The following CHN2 variants were observed in gnomAD, a reference collection of about 807,000 sequenced individuals.
CHN2 encodes beta-chimaerin.
Under a neutral mutation model 56.3 loss-of-function variants are expected in CHN2, and 35 were observed. The ratio of observed to expected loss-of-function variants is 0.62; its 90% CI spans 0.47 to 0.82. CHN2 has a LOEUF of 0.82. Among genes scored for constraint, CHN2 ranks in the 40% least tolerant of loss-of-function variants. The probability of loss-of-function intolerance (pLI) is 0.00; values close to 1 mark genes in which losing one functional copy is unlikely to be tolerated. For synonymous variants in CHN2, 210 were observed against 212.8 expected, an observed-to-expected ratio of 0.99 and a Z score of 0.12; for missense variants, 491 against 580.5, an observed-to-expected ratio of 0.85 and a Z score of 1.58.
intron 1 of CHN2, among the ~76,000 whole-genome samples, chr7:29,228,607 TG>T (rs1248672477): frequency 6.6e-6 from 1 of 152,236 alleles, no homozygotes; most frequent in Non-Finnish European, 1.5e-5. Flanking sequence ...TATATGTGTG[TG>T]TATTACATCT....
intron 7 of CHN2, among the ~76,000 whole-genome samples, chr7:29,491,777 T>G (rs1788693266): frequency 2.6e-5 from 4 of 152,180 alleles, no homozygotes; most frequent in Admixed American, 2.6e-4. Context: ...ACATGCATAA[T>G]TGACTTCAAA....
At chr7:29,432,921 A>G (rs1782953454) in intron 6 of CHN2, among the ~76,000 whole-genome samples, 1 of 152,226 alleles carries the variant, frequency 6.6e-6, no homozygotes. Context: ...GACAACTGGG[A>G]GGCTGTAGCT....
At chr7:29,277,425 C>T (rs1486216942) in intron 1 of CHN2, among the ~76,000 whole-genome samples, 1 of 152,200 alleles carries the variant, frequency 6.6e-6, no homozygotes, top group Non-Finnish European at 1.5e-5. Context: ...CAGGAGGCAT[C>T]TGCAAAGCAG....
chr7:29,289,986 A>T (rs957947736), intron 1 of CHN2, among the ~76,000 whole-genome samples: 1 of 152,228 alleles, frequency 6.6e-6, no homozygotes, highest in Non-Finnish European at 1.5e-5. Flanking sequence ...CACTTAATCT[A>T]CTTTGCATTT....
intron 1 of CHN2, among the ~76,000 whole-genome samples, chr7:29,352,258 T>C (rs1797938543): frequency 6.6e-6 from 1 of 152,136 alleles, no homozygotes; most frequent in African/African-American, 2.4e-5. Context: ...GAGGTTGTGC[T>C]TGCGTCATAG....
intron 1 of CHN2, among the ~76,000 whole-genome samples, chr7:29,341,352 T>G (rs757249932): frequency 7.9e-5 from 12 of 152,178 alleles, no homozygotes; most frequent in Non-Finnish European, 1.6e-4. Flanking sequence ...ATGCCCATTC[T>G]TGATATGAAT....
At chr7:29,379,124 G>A (rs1429599177) in intron 3 of CHN2, among the ~76,000 whole-genome samples, 1 of 152,208 alleles carries the variant, frequency 6.6e-6, no homozygotes, top group African/African-American at 2.4e-5. Context: ...TGGAATTTAG[G>A]ATGAATTTGA....
chr7:29,511,437 CCTTTCAG>C (rs778178032), intron 12 of CHN2, among the ~76,000 whole-genome samples: 27 of 152,188 alleles, frequency 1.8e-4, no homozygotes, highest in Non-Finnish European at 2.6e-4. Flanking sequence ...AATGCTGACA[CCTTTCAG>C]CTGAACCTTA....
chr7:29,154,023 A>G (rs774828510), intron 2 of CHN2, among the ~76,000 whole-genome samples: 18 of 152,234 alleles, frequency 1.2e-4, no homozygotes, highest in Non-Finnish European at 1.9e-4. Flanking sequence ...TAAGTTTTGG[A>G]GAAGTCAAAA....
intron 6 of CHN2, among the ~76,000 whole-genome samples, chr7:29,426,915 C>G (rs1804915930): frequency 6.6e-6 from 1 of 152,184 alleles, no homozygotes; most frequent in South Asian, 2.1e-4. Context: ...CTCACATGGT[C>G]CCTCCGTCAT....
intron 1 of CHN2, among the ~76,000 whole-genome samples, chr7:29,352,287 TAAG>T (rs1258886451): frequency 1.3e-5 from 2 of 152,110 alleles, no homozygotes; most frequent in Non-Finnish European, 2.9e-5. Flanking sequence ...TCATCCAAAA[TAAG>T]AAGACATTAC....
chr7:29,409,227 C>T (rs572056335), intron 6 of CHN2, among the ~76,000 whole-genome samples: 12 of 152,244 alleles, frequency 7.9e-5, no homozygotes, highest in African/African-American at 2.4e-4. Flanking sequence ...TCAAACTTCT[C>T]GGCCTCAGGA....
intron 1 of CHN2, chr7:29,292,886 AC>A: frequency 2.2e-6 from 1 of 456,164 alleles, no homozygotes; most frequent in South Asian, 1.5e-5. Flanking sequence ...GATTACAATA[AC>A]CTCTTAACTG....
intron 1 of CHN2, 149 bp from the exon 2 acceptor site, chr7:29,354,476 G>C: frequency 2.9e-6 from 2 of 692,786 alleles, no homozygotes; most frequent in Non-Finnish European, 5.0e-6. Context: ...CCTCCCCTGT[G>C]TCTGGAACTG....
chr7:29,228,966 A>G (rs923574937), intron 1 of CHN2, among the ~76,000 whole-genome samples: 2 of 152,236 alleles, frequency 1.3e-5, no homozygotes, highest in African/African-American at 2.4e-5. Flanking sequence ...ATTTCTGAGC[A>G]GAGTGACATG....
chr7:29,495,863 C>T lies in CHN2; in HGVS notation c.655-89C>T, dbSNP rs569593011. 4.8e-6 allele frequency: 5 copies of T among 1,051,524 alleles called. No homozygotes were observed. In the African/African-American group the frequency reaches 7.9e-5, roughly 17 times the overall value. The allele number at this position is 1,051,524 out of a possible 1,614,324, so 65.1% of individuals were successfully genotyped here. On this transcript the variant is annotated intron_variant, in intron 7 of 12. Coordinates refer to ENST00000222792, the MANE Select transcript of CHN2 (RefSeq NM_004067.4). ...GAAGGAAAAGCCCAGTGGGGGATCG[C>T]TCCTGCTGATCTTCATTGACATGTC...
intron 3 of CHN2, among the ~76,000 whole-genome samples, chr7:29,379,063 A>C (rs1372488359): frequency 6.6e-6 from 1 of 152,212 alleles, no homozygotes; most frequent in Non-Finnish European, 1.5e-5. Context: ...AATTTCTACC[A>C]TCTCCCAAGT....
intron 1 of CHN2, among the ~76,000 whole-genome samples, chr7:29,299,484 T>C (rs1377967562): frequency 6.6e-6 from 1 of 152,152 alleles, no homozygotes; most frequent in Admixed American, 6.5e-5. Flanking sequence ...AAATTTTTGC[T>C]CACTGTATCC....
chr7:29,179,944 A>C (rs2128740861), intron 2 of CHN2, among the ~76,000 whole-genome samples: 1 of 152,358 alleles, frequency 6.6e-6, no homozygotes, highest in Admixed American at 6.5e-5. Flanking sequence ...TACATTGCTA[A>C]GCATTCTATT....
Sources: gnomAD v4.1 joint callset for allele counts (sites outside exome capture counted in the v4.1 genomes callset) on GRCh38, gnomAD v4.1.1 for gene constraint, MANE v1.5 for transcripts, NCBI Gene and HGNC (gene_info 2026-07-23, HGNC 2026-07-21) for gene names.